RBM19: variants seen among roughly 807,000 people sequenced by gnomAD.
RBM19 encodes RNA binding motif protein 19.
RBM19 carries 94 observed loss-of-function variants against 116.8 expected under a neutral mutation model. The ratio of observed to expected loss-of-function variants is 0.80; its 90% CI spans 0.68 to 0.95. RBM19 has a LOEUF of 0.95. Ranked by LOEUF, RBM19 falls within the 40% of genes least tolerant of loss-of-function variation. The pLI is 0.00. For missense variants in RBM19, 1,161 were observed against 1,220.7 expected, an observed-to-expected ratio of 0.95 and a Z score of 0.73; for synonymous variants, 475 against 494.1, an observed-to-expected ratio of 0.96 and a Z score of 0.51.
chr12:113,864,146 A>C (rs979896509), intron 21 of RBM19, among the ~76,000 whole-genome samples: 10 of 152,188 alleles, frequency 6.6e-5, no homozygotes, highest in African/African-American at 2.4e-4. Context: ...CATCAGGCTT[A>C]GCTAGGCTCA....
At chr12:113,839,182 C>A (rs16943282) in intron 23 of RBM19, among the ~76,000 whole-genome samples, 16,622 of 152,260 alleles carry the variant, frequency 0.11, 1,198 homozygotes, top group East Asian at 0.23. Context: ...CTGCCAGGGC[C>A]CCAGGAGCTC....
chr12:113,856,953 G>C lies in RBM19; in HGVS notation c.2664+1838C>G, dbSNP rs1364863928. 3.3e-5 allele frequency among the ~76,000 whole-genome samples: 5 copies of C among 152,326 alleles called. No individual in the cohort carries two copies. In the East Asian group the frequency reaches 9.6e-4, roughly 29 times the overall value. ...CCCAAGGTCACACGGGAGATTTGTG[G>C]CAGCTCTGGGGTTCAAACTCAGGCA... On this transcript the variant is annotated intron_variant, in intron 22 of 23. Coordinates refer to ENST00000261741, the MANE Select transcript of RBM19 (RefSeq NM_016196.4).
chr12:113,817,554 T>C (rs766046158), downstream of RBM19: 1 of 152,204 alleles, frequency 6.6e-6, no homozygotes, highest in African/African-American at 2.4e-5. Context: ...CCGTGCCCAG[T>C]GCAAACCAGC....
rs541600106 is a variant in RBM19 at position 113,837,872 on chromosome 12, A to T, written c.2785+6796T>A. On this transcript the variant is annotated intron_variant, in intron 23 of 23. Transcript: ENST00000261741. ...AAATCTCACAACTTTTAGTGAAAAG[A>T]TGTATAACAAACTCAATGTTACCAC... Among the ~76,000 whole-genome samples, 16 of 152,352 alleles carry T rather than the reference A, an allele frequency of 1.1e-4. No individual in the cohort carries two copies. The South Asian group carries it at 2.7e-3, about 26-fold the overall frequency.
chr12:113,851,133 A>G (rs1353493429), intron 22 of RBM19, among the ~76,000 whole-genome samples: 1 of 152,128 alleles, frequency 6.6e-6, no homozygotes, highest in African/African-American at 2.4e-5. Flanking sequence ...TGCCCAGAAT[A>G]AGTTAAGCTC....
chr12:113,918,950 G>C (rs143419511), intron 19 of RBM19, among the ~76,000 whole-genome samples: 116 of 152,242 alleles, frequency 7.6e-4, no homozygotes, highest in African/African-American at 2.6e-3. Context: ...GAGCTTCGTA[G>C]GAACAATTCT....
At chr12:113,859,695 T>C (rs1475347962) in intron 21 of RBM19, among the ~76,000 whole-genome samples, 1 of 152,198 alleles carries the variant, frequency 6.6e-6, no homozygotes, top group Non-Finnish European at 1.5e-5. Context: ...CTTGCCTCCC[T>C]GTCTCACTTC....
chr12:113,946,461 G>A lies in RBM19; in HGVS notation c.1422C>T (p.His474=), dbSNP rs745398765. 1.9e-6 allele frequency: 3 copies of A among 1,614,062 alleles called. No homozygotes were observed. The highest frequency in any genetic ancestry group is 1.1e-5 in the South Asian group (1 of 91,082). ...CCTTCTTGATGGTAGATGGTAACAC[G>A]TGGAGCATCCTGCCCTGGATGGGAA... The part of the protein sequence containing the change: ...DGQVFQGRML[H]VLPSTIKKEA... The change falls in exon 12 of 24, where the codon CAC becomes CAT. Residue 474 remains histidine (H), a synonymous_variant. Transcript: ENST00000261741.
At chr12:113,821,711 T>C (rs1874427076), downstream of RBM19, among the ~76,000 whole-genome samples, 1 of 152,138 alleles carries the variant, frequency 6.6e-6, no homozygotes, top group Non-Finnish European at 1.5e-5. Flanking sequence ...GAGGCTGCAG[T>C]GAGCTATGAT....
Position 113,918,409 on chromosome 12 carries a change from G to A in RBM19, c.2424C>T (p.Ile808=), listed in dbSNP as rs957094931. The A allele has an allele frequency of 1.2e-6, 2 of 1,614,240 alleles. No homozygotes were observed. The highest frequency in any genetic ancestry group is 1.7e-6 in the Non-Finnish European group (2 of 1,180,048). ...VVDGHKLEVR[I]SERATKPAVT... The stretch of plus-strand genomic sequence containing the variant: ...AGACTCACTTAGTGGCTCGTTCCGA[G>A]ATCCTCACTTCCAGCTTGTGGCCGT... Residue 808 remains isoleucine, a synonymous_variant, in exon 20 of 24, where the codon ATC becomes ATT. Transcript: ENST00000261741.
chr12:113,947,788 G>A (rs1367096126), intron 10 of RBM19, among the ~76,000 whole-genome samples: 1 of 152,238 alleles, frequency 6.6e-6, no homozygotes, highest in Non-Finnish European at 1.5e-5. Flanking sequence ...GCTAGAGTTA[G>A]TGCCAAAGAA....
At chr12:113,874,149 T>G (rs1879494048) in intron 21 of RBM19, among the ~76,000 whole-genome samples, 1 of 152,192 alleles carries the variant, frequency 6.6e-6, no homozygotes, top group Admixed American at 6.5e-5. Context: ...CTATTGCACA[T>G]TTTTTCCCCT....
At position 113,960,155 on chromosome 12, in the gene RBM19, C is replaced by A; in HGVS notation, c.243G>T (p.Gly81=). Residue 81 remains glycine (G), a synonymous_variant, in exon 3 of 24, where the codon GGG becomes GGT. Transcript: ENST00000261741. ...TCCAGGCTCTGGGTTTGGCCGGGTCCCCGAATGACTTGCAGAACTCCACCT... is the reference window on the plus strand; with the variant it reads ...TCCAGGCTCTGGGTTTGGCCGGGTCACCGAATGACTTGCAGAACTCCACCT... ...RITVEFCKSF[G]DPAKPRAWSK... 1 of 1,613,816 alleles carries A rather than the reference C, an allele frequency of 6.2e-7. No individual in the cohort carries two copies. Among genetic ancestry groups the A allele is most frequent in the Non-Finnish European group, 8.5e-7 (1 of 1,180,002 alleles).
chr12:113,816,992 T>C (rs1206705657), exon 25 of RBM19: 3 of 152,338 alleles, frequency 2.0e-5, no homozygotes, highest in South Asian at 2.1e-4. Context: ...CATATTTCAA[T>C]CTCGGCAGAA....
intron 13 of RBM19, among the ~76,000 whole-genome samples, chr12:113,944,639 C>A (rs10850249): frequency 0.16 from 24,946 of 151,704 alleles, 2,797 homozygotes; most frequent in African/African-American, 0.32. Flanking sequence ...CTCTGCAAAA[C>A]TAAAAATAAA....
chr12:113,920,858 T>C (rs544832366), intron 18 of RBM19, among the ~76,000 whole-genome samples, 168 bp from the exon 19 acceptor site: 2 of 152,288 alleles, frequency 1.3e-5, no homozygotes, highest in Admixed American at 1.3e-4. Context: ...TCATTAGTCA[T>C]CTTGACGAAT....
intron 21 of RBM19, among the ~76,000 whole-genome samples, chr12:113,908,807 A>G (rs1882242471): frequency 6.6e-6 from 1 of 152,062 alleles, no homozygotes; most frequent in Non-Finnish European, 1.5e-5. Flanking sequence ...TGTGCCTTAC[A>G]CTTCGCGTTT....
rs1167059316 is a variant in RBM19, at chr12:113,927,098, TAAACA to T, written c.2195_2199del (p.Leu732HisfsTer2). ...GTTGTGTCAAAATTGAGATTCTTAA[TAAACA>T]GAGTACATCCTGGGAGGCTCTCTTC... is the stretch of plus-strand genomic sequence containing the variant. On this transcript the variant is annotated frameshift_variant, in exon 17 of 24. Coordinates refer to ENST00000261741, the MANE Select transcript of RBM19 (RefSeq NM_016196.4). LOFTEE classifies it high-confidence loss of function. 4 of 1,613,562 alleles carry T rather than the reference TAAACA, an allele frequency of 2.5e-6. No individual in the cohort carries two copies. The Admixed American group carries it at 6.7e-5, about 27-fold the overall frequency.
intron 21 of RBM19, among the ~76,000 whole-genome samples, chr12:113,904,425 AG>A (rs1211439886): frequency 6.6e-6 from 1 of 152,196 alleles, no homozygotes; most frequent in African/African-American, 2.4e-5. Context: ...AGGGTTTTAT[AG>A]CTGGGAAGCC....
Sources: allele counts gnomAD v4.1 joint callset (sites outside exome capture counted in the v4.1 genomes callset), GRCh38; gene constraint gnomAD v4.1.1; transcripts MANE v1.5; gene names NCBI Gene and HGNC (gene_info 2026-07-23, HGNC 2026-07-21).